UBE2D2: variants seen among roughly 807,000 people sequenced by gnomAD.
UBE2D2 encodes ubiquitin conjugating enzyme E2 D2.
A neutral mutation model predicts 24.2 loss-of-function variants in UBE2D2; 2 were observed. That is an observed-to-expected ratio of 0.08 (90% CI 0.03 to 0.26). UBE2D2 has a LOEUF of 0.26. Ranked by LOEUF, UBE2D2 falls within the 10% of genes least tolerant of loss-of-function variation. UBE2D2 has a pLI of 1.00. For missense variants in UBE2D2, 44 were observed against 177.6 expected (o/e 0.25, Z 4.28); for synonymous variants, 58 against 56.5 (o/e 1.03, Z -0.12).
At position 139,619,900 on chromosome 5, in the gene UBE2D2, G is replaced by A. The variant is rs1243923391; in HGVS notation, c.305-3468G>A. Among the ~76,000 whole-genome samples the A allele has an allele frequency of 2.0e-5, 3 of 152,068 alleles. No homozygotes were observed. In the East Asian group the frequency reaches 5.8e-4, roughly 29 times the overall value. On this transcript the variant is annotated intron_variant, in intron 5 of 6. Coordinates refer to ENST00000398733, the MANE Select transcript of UBE2D2 (RefSeq NM_003339.3). ...AGGTTTAATTGGCTCACAGTTCTGT[G>A]GGCTATACAGAAAGCATGGCAGCAT... is the stretch of plus-strand genomic sequence containing the variant.
In UBE2D2 at chr5:139,543,352, G is replaced by A. The variant is rs1042361836; in HGVS notation, c.-64+16740G>A. ...CTGGAAGATGAACGCTTGGCACAGTGAGCTGCCAAACTGTTAGGGTGTCCT... is the reference window on the plus strand; with the variant it reads ...CTGGAAGATGAACGCTTGGCACAGTAAGCTGCCAAACTGTTAGGGTGTCCT... On this transcript the variant is annotated intron_variant, in intron 1 of 6. Coordinates refer to the UBE2D2 transcript ENST00000511725. Among the ~76,000 whole-genome samples, 3 of 152,194 alleles carry A rather than the reference G, an allele frequency of 2.0e-5. No individual in the cohort carries two copies. In the East Asian group the frequency reaches 5.8e-4, roughly 29 times the overall value.
chr5:139,592,541 TATCTC>T (rs1753865874), intron 1 of UBE2D2, among the ~76,000 whole-genome samples: 1 of 151,968 alleles, frequency 6.6e-6, no homozygotes, highest in South Asian at 2.1e-4. Context: ...GCTGTGTCAG[TATCTC>T]AGTTTTGAGA....
At position 139,624,478 on chromosome 5, in the gene UBE2D2, G is replaced by T. The variant is rs189269895; in HGVS notation, c.398+1017G>T. On this transcript the variant is annotated intron_variant, in intron 6 of 6. Coordinates refer to ENST00000398733, the MANE Select transcript of UBE2D2 (RefSeq NM_003339.3). ...TTCAGTGAAGTTATAAGAGGAACTAGATAGGAGAGGGTGGATAGTTCTTTT... is the reference window on the plus strand; with the variant it reads ...TTCAGTGAAGTTATAAGAGGAACTATATAGGAGAGGGTGGATAGTTCTTTT... 3.0e-4 allele frequency among the ~76,000 whole-genome samples: 46 copies of T among 152,284 alleles called. No individual in the cohort carries two copies. In the East Asian group the frequency reaches 5.4e-3, roughly 18 times the overall value.
chr5:139,533,521 G>A lies in UBE2D2; in HGVS notation c.-64+6909G>A, dbSNP rs569227122. On this transcript the variant is annotated intron_variant, in intron 1 of 6. Coordinates refer to the UBE2D2 transcript ENST00000511725. Reference sequence around the variant, plus strand: ...AAAAATTAGCTGGGCGTGGTGTCTGGCGCCGTTAATCCCAGCTACTCGGGA... The same window carrying A: ...AAAAATTAGCTGGGCGTGGTGTCTGACGCCGTTAATCCCAGCTACTCGGGA... Among the ~76,000 whole-genome samples the A allele has an allele frequency of 4.6e-5, 7 of 151,386 alleles. No homozygotes were observed. In the East Asian group the frequency reaches 8.0e-4, roughly 17 times the overall value.
chr5:139,585,309 C>G (rs528050661), intron 1 of UBE2D2, among the ~76,000 whole-genome samples: 2 of 151,208 alleles, frequency 1.3e-5, no homozygotes, highest in Non-Finnish European at 2.9e-5. Context: ...AACTTCTGGG[C>G]TCAAGTAATC....
intron 1 of UBE2D2, among the ~76,000 whole-genome samples, chr5:139,598,626 T>G (rs1258338248): frequency 6.8e-6 from 1 of 146,338 alleles, no homozygotes; most frequent in Non-Finnish European, 1.5e-5. Flanking sequence ...AGTGGCATGA[T>G]CTCGGCTCAC....
intron 1 of UBE2D2, among the ~76,000 whole-genome samples, chr5:139,527,921 G>C (rs1210782824): frequency 6.6e-6 from 1 of 152,236 alleles, no homozygotes; most frequent in Non-Finnish European, 1.5e-5. Context: ...CAGAGGCCCT[G>C]ATTGTCCCCC....
intron 1 of UBE2D2, among the ~76,000 whole-genome samples, chr5:139,572,484 T>A (rs1753371000): frequency 6.6e-6 from 1 of 151,962 alleles, no homozygotes; most frequent in African/African-American, 2.4e-5. Context: ...TAATCCCTGC[T>A]ACTCAAAAGG....
intron 1 of UBE2D2, among the ~76,000 whole-genome samples, chr5:139,532,630 C>T (rs867092161): frequency 6.6e-6 from 1 of 151,920 alleles, no homozygotes; most frequent in South Asian, 2.1e-4. Context: ...GGATTACAGG[C>T]GTGAGCCACC....
intron 1 of UBE2D2, among the ~76,000 whole-genome samples, chr5:139,598,552 CTTTTTTTTTTTTTT>C (rs746165110): frequency 6.7e-5 from 7 of 104,952 alleles, no homozygotes; most frequent in Non-Finnish European, 1.1e-4. Flanking sequence ...ACTACAAAGC[CTTTTTTTTTTTTTT>C]TTTTTTTTTT....
chr5:139,607,084 G>A (rs71579523), intron 2 of UBE2D2, among the ~76,000 whole-genome samples: 10,379 of 152,258 alleles, frequency 0.068, 434 homozygotes, highest in Non-Finnish European at 0.085. Context: ...GATTACAGGC[G>A]TGAGCCACCA....
chr5:139,528,756 G>A lies in UBE2D2; in HGVS notation c.-64+2144G>A, dbSNP rs113573521. On this transcript the variant is annotated intron_variant, in intron 1 of 6. Coordinates refer to the UBE2D2 transcript ENST00000511725. The stretch of plus-strand genomic sequence containing the variant: ...GCAACACCCTAAACCCTGCCACCTT[G>A]CTCCCCGTATCAGAGAGCCCAGTTA... Among the ~76,000 whole-genome samples, 401 of 152,244 alleles carry A rather than the reference G, an allele frequency of 2.6e-3. 2 individuals are homozygous for A. The highest frequency in any genetic ancestry group is 9.3e-3 in the African/African-American group (388 of 41,552).
intron 1 of UBE2D2, among the ~76,000 whole-genome samples, chr5:139,548,184 TAAAAAAAA>T (rs1420608616): frequency 4.3e-5 from 2 of 46,888 alleles, no homozygotes; most frequent in East Asian, 6.5e-4. Context: ...AAAAAAAAAA[TAAAAAAAA>T]AAAATAAATA....
At chr5:139,574,036 A>T (rs2126658065) in intron 1 of UBE2D2, among the ~76,000 whole-genome samples, 1 of 152,018 alleles carries the variant, frequency 6.6e-6, no homozygotes, top group South Asian at 2.1e-4. Flanking sequence ...GGGAATGAGT[A>T]CACTTGAAAT....
rs113981263 is a variant in UBE2D2, at chr5:139,588,560, C to G, written c.25-11812C>G. ...TAATTTTTATCTAAATATAGTAGTA[C>G]AACAAATTAGATTATATAAATGACA... On this transcript the variant is annotated intron_variant, in intron 1 of 6. Transcript: ENST00000398733. 2.2e-3 allele frequency among the ~76,000 whole-genome samples: 340 copies of G among 152,116 alleles called. 2 individuals carry two copies. Among genetic ancestry groups the G allele is most frequent in the African/African-American group, 7.7e-3 (320 of 41,496 alleles).
intron 1 of UBE2D2, among the ~76,000 whole-genome samples, chr5:139,545,234 A>C (rs1445859575): frequency 6.6e-6 from 1 of 151,914 alleles, no homozygotes; most frequent in Non-Finnish European, 1.5e-5. Flanking sequence ...GATTGTCTTC[A>C]ATTTTATTAT....
intron 1 of UBE2D2, among the ~76,000 whole-genome samples, chr5:139,590,779 C>CTTTTT (rs1561513230): frequency 3.6e-5 from 2 of 55,992 alleles, no homozygotes; most frequent in African/African-American, 6.9e-5. Context: ...ATTTTCTCTT[C>CTTTTT]TTCTTTTTTT....
At chr5:139,568,482 A>T (rs184059960) in intron 1 of UBE2D2, among the ~76,000 whole-genome samples, 2 of 151,488 alleles carry the variant, frequency 1.3e-5, no homozygotes, top group East Asian at 3.9e-4. Context: ...ACACGGTGAA[A>T]CCCCATCTCT....
At chr5:139,550,732 C>T (rs758909663) in intron 1 of UBE2D2, among the ~76,000 whole-genome samples, 6 of 151,560 alleles carry the variant, frequency 4.0e-5, no homozygotes, top group East Asian at 2.0e-4. Flanking sequence ...TAACTCCAGA[C>T]GCGCTGCCTT....
Sources: allele counts gnomAD v4.1 joint callset (sites outside exome capture counted in the v4.1 genomes callset), GRCh38; gene constraint gnomAD v4.1.1; transcripts MANE v1.5; gene names NCBI Gene and HGNC (gene_info 2026-07-23, HGNC 2026-07-21).